The following HOXC13 variants were observed in gnomAD, a reference collection of about 807,000 sequenced individuals.
The protein encoded by HOXC13 is homeobox C13.
A neutral mutation model predicts 25.9 loss-of-function variants in HOXC13; 10 were observed. That is an observed-to-expected ratio of 0.39 (90% CI 0.24 to 0.65). The LOEUF (loss-of-function observed/expected upper bound fraction) is 0.65. HOXC13 is among the 30% of genes least tolerant of loss of function. The pLI, the probability that HOXC13 is intolerant of heterozygous loss-of-function variation, is 0.50. For missense variants in HOXC13, 439 were observed against 478.3 expected (o/e 0.92, Z 0.77); for synonymous variants, 233 against 217.1 (o/e 1.07, Z -0.64).
chr12:53,942,463 G>C (rs1444812990), intron 1 of HOXC13, among the ~76,000 whole-genome samples: 2 of 151,964 alleles, frequency 1.3e-5, no homozygotes, highest in East Asian at 3.9e-4. Context: ...GAGGGGCCCC[G>C]AAGCCCAAAA....
At position 53,946,410 on chromosome 12, in the gene HOXC13, C is replaced by A; in HGVS notation, c.*1154C>A. The A allele has an allele frequency of 4.6e-6, 1 of 219,182 alleles. No individual in the cohort carries two copies. Among genetic ancestry groups the A allele is most frequent in the Non-Finnish European group, 9.2e-6 (1 of 109,040 alleles). The allele number at this position is 219,182 out of a possible 1,614,324, so 13.6% of individuals were successfully genotyped here. On this transcript the variant is annotated 3_prime_UTR_variant, in exon 2 of 2. Transcript: ENST00000243056. ...AACAGTGTTCTTTTGAAATGTTCAT[C>A]AGGAATAGGCTTTTTTAAAAAATGT...
chr12:53,942,484 G>A lies in HOXC13; in HGVS notation c.737-2516G>A, dbSNP rs1258178243. ...CCCCGAAGCCCAAAAAGAAAGCCAT[G>A]GCTGAGCATTGAGATGATTTTTATT... On this transcript the variant is annotated intron_variant, in intron 1 of 1. Coordinates refer to ENST00000243056, the MANE Select transcript of HOXC13 (RefSeq NM_017410.3). 7.9e-5 allele frequency among the ~76,000 whole-genome samples: 12 copies of A among 152,248 alleles called. 1 individual carries two copies. The South Asian group carries it at 1.7e-3, about 21-fold the overall frequency.
chr12:53,943,287 T>C (rs1011157477), intron 1 of HOXC13, among the ~76,000 whole-genome samples: 1 of 152,214 alleles, frequency 6.6e-6, no homozygotes, highest in African/African-American at 2.4e-5. Context: ...AACAAACTCA[T>C]GGTATCACTA....
At position 53,939,727 on chromosome 12, in the gene HOXC13, G is replaced by A. The variant is rs1057068417; in HGVS notation, c.736+85G>A. 4 of 1,254,972 alleles carry A rather than the reference G, an allele frequency of 3.2e-6. No individual in the cohort carries two copies. The highest frequency in any genetic ancestry group is 3.1e-5 in the African/African-American group (2 of 64,110). 77.7% of individuals were successfully genotyped at this position (1,254,972 alleles called of 1,614,324 possible). ...GGGGCTCCGCGCCCCAACCACCCCC[G>A]CCGTCTGGCCCCGGCGCGCCCGCTC... On this transcript the variant is annotated intron_variant, in intron 1 of 1. Transcript: ENST00000243056. The surrounding 1 kb of genome is among the most constrained non-coding windows in gnomAD (Gnocchi z 6.7).
chr12:53,939,655 C>A lies in HOXC13; in HGVS notation c.736+13C>A. ...TCTCCCTTCCCAGGTAAGGAAGGGA[C>A]CCGAGCGCCGCCGCCGCCGGGGACC... On this transcript the variant is annotated intron_variant, in intron 1 of 1. Coordinates refer to ENST00000243056, the MANE Select transcript of HOXC13 (RefSeq NM_017410.3). This position sits in a 1 kb window ranked among gnomAD's most constrained non-coding sequence, Gnocchi z 6.7. 7.2e-7 allele frequency: 1 copy of A among 1,395,202 alleles called. No individual in the cohort carries two copies. The highest frequency in any genetic ancestry group is 9.3e-7 in the Non-Finnish European group (1 of 1,071,492). The allele number at this position is 1,395,202 out of a possible 1,614,324, so 86.4% of individuals were successfully genotyped here. A position where few individuals can be genotyped will look rare whatever the true frequency, so the allele number is the denominator to read the frequency against.
rs141378517 is a variant in HOXC13, at chr12:53,943,725, G to T, written c.737-1275G>T. Among the ~76,000 whole-genome samples, 1,521 of 152,310 alleles carry T rather than the reference G, an allele frequency of 1.0e-2. 25 individuals carry two copies. The highest frequency in any genetic ancestry group is 0.034 in the African/African-American group (1,431 of 41,556). On this transcript the variant is annotated intron_variant, in intron 1 of 1. Coordinates refer to ENST00000243056, the MANE Select transcript of HOXC13 (RefSeq NM_017410.3). Reference sequence around the variant, plus strand: ...ACAGGGAAAGTGTTCTGTGAGGGTGGGATGGGAACAAACATTTCAGAAAGA... The same window carrying T: ...ACAGGGAAAGTGTTCTGTGAGGGTGTGATGGGAACAAACATTTCAGAAAGA...
rs1326908982 is a variant in HOXC13 at position 53,944,301 on chromosome 12, C to CA, written c.737-697dup. 7.2e-5 allele frequency among the ~76,000 whole-genome samples: 11 copies of CA among 152,212 alleles called. No individual in the cohort carries two copies. In the East Asian group the frequency reaches 2.1e-3, roughly 29 times the overall value. On this transcript the variant is annotated intron_variant, in intron 1 of 1. Coordinates refer to ENST00000243056, the MANE Select transcript of HOXC13 (RefSeq NM_017410.3). ...CCCCAATTCCTAGAGTGTGGACCTC[C>CA]AAGCAGGCTGGCTTCACCTGGACAC...
In HOXC13 at chr12:53,939,131, C is replaced by G; in HGVS notation, c.225C>G (p.His75Gln). ...GCCACTGCCGCGACCTGCTTCCGCACCCCGTGCTGGGCCGCCCGCCGGCTC... is the reference window on the plus strand; with the variant it reads ...GCCACTGCCGCGACCTGCTTCCGCAGCCCGTGCTGGGCCGCCCGCCGGCTC... ...PASHCRDLLP[H>Q]PVLGRPPAPL... Residue 75 changes from histidine to glutamine, a missense_variant, in exon 1 of 2, where the codon CAC becomes CAG. Physicochemically the swap from His to Gln is conservative, Grantham distance 24. Transcript: ENST00000243056. This position sits in a 1 kb window ranked among gnomAD's most constrained non-coding sequence, Gnocchi z 6.7. 1 of 1,468,052 alleles carries G rather than the reference C, an allele frequency of 6.8e-7. No homozygotes were observed. The highest frequency in any genetic ancestry group is 8.9e-7 in the Non-Finnish European group (1 of 1,120,910). The allele number at this position is 1,468,052 out of a possible 1,614,324, so 90.9% of individuals were successfully genotyped here. A position where few individuals can be genotyped will look rare whatever the true frequency, so the allele number is the denominator to read the frequency against.
chr12:53,944,811 G>A (rs1938664932), intron 1 of HOXC13, among the ~76,000 whole-genome samples, 189 bp from the exon 2 acceptor site: 1 of 152,172 alleles, frequency 6.6e-6, no homozygotes, highest in South Asian at 2.1e-4. Context: ...TTCGAGCCCA[G>A]TGGCCTCATC....
At chr12:53,943,445 A>C (rs1938643466) in intron 1 of HOXC13, among the ~76,000 whole-genome samples, 1 of 152,246 alleles carries the variant, frequency 6.6e-6, no homozygotes. Flanking sequence ...TAAAGGATCC[A>C]TACTGTTTAA....
intron 1 of HOXC13, among the ~76,000 whole-genome samples, chr12:53,944,699 A>G (rs1938663099): frequency 6.6e-6 from 1 of 151,998 alleles, no homozygotes; most frequent in Non-Finnish European, 1.5e-5. Context: ...TTTAATTGAT[A>G]TTTTGTTCAT....
In HOXC13 at chr12:53,939,127, C is replaced by T. The variant is rs1324778451; in HGVS notation, c.221C>T (p.Pro74Leu). 6 of 1,465,648 alleles carry T rather than the reference C, an allele frequency of 4.1e-6. No homozygotes were observed. In the African/African-American group the frequency reaches 4.5e-5, roughly 11 times the overall value. 90.8% of individuals were successfully genotyped at this position (1,465,648 alleles called of 1,614,324 possible). A position where few individuals can be genotyped will look rare whatever the true frequency, so the allele number is the denominator to read the frequency against. The change falls in exon 1 of 2, where the codon CCG becomes CTG. Residue 74 changes from proline to leucine, a missense_variant. By Grantham distance (98) the Pro-to-Leu change is moderately conservative. Coordinates refer to ENST00000243056, the MANE Select transcript of HOXC13 (RefSeq NM_017410.3). This position sits in a 1 kb window ranked among gnomAD's most constrained non-coding sequence, Gnocchi z 6.7. ...CPASHCRDLL[P>L]HPVLGRPPAP... ...GCCAGCCACTGCCGCGACCTGCTTC[C>T]GCACCCCGTGCTGGGCCGCCCGCCG... is the stretch of plus-strand genomic sequence containing the variant.
intron 1 of HOXC13, among the ~76,000 whole-genome samples, chr12:53,944,683 T>A (rs1178058748): frequency 6.6e-6 from 1 of 152,172 alleles, no homozygotes; most frequent in Non-Finnish European, 1.5e-5. Flanking sequence ...AACCCATGTT[T>A]ATTTTTTTAA....
At position 53,945,323 on chromosome 12, in the gene HOXC13, A is replaced by G; in HGVS notation, c.*67A>G. 6.4e-7 allele frequency: 1 copy of G among 1,566,062 alleles called. No homozygotes were observed. The highest frequency in any genetic ancestry group is 1.7e-4 in the Middle Eastern group (1 of 5,888). On this transcript the variant is annotated 3_prime_UTR_variant, in exon 2 of 2. Transcript: ENST00000243056. The surrounding 1 kb of genome is among the most constrained non-coding windows in gnomAD (Gnocchi z 4.4). The stretch of plus-strand genomic sequence containing the variant: ...TTGTACCATAACCGAACCCACGGAA[A>G]GACGCTGCGCGGGTGCAGAAGAGTA...
At chr12:53,943,958 G>A (rs1938649799) in intron 1 of HOXC13, among the ~76,000 whole-genome samples, 2 of 152,220 alleles carry the variant, frequency 1.3e-5, no homozygotes, top group African/African-American at 4.8e-5. Context: ...TGACAGGGAT[G>A]AGGGTGGAGT....
chr12:53,939,463 C>T lies in HOXC13; in HGVS notation c.557C>T (p.Pro186Leu), dbSNP rs1287077957. ...PSFASSYQAM[P>L]GYLDVSVVPG... ...TTCGCCAGCTCCTACCAGGCGATGC[C>T]CGGCTACCTGGACGTGTCGGTGGTG... Residue 186 changes from proline (P) to leucine (L), a missense_variant, in exon 1 of 2, where the codon CCC becomes CTC. Physicochemically the swap from Pro to Leu is moderately conservative, Grantham distance 98. Transcript: ENST00000243056. The surrounding 1 kb of genome is among the most constrained non-coding windows in gnomAD (Gnocchi z 6.7). 2.5e-6 allele frequency: 4 copies of T among 1,608,788 alleles called. No individual in the cohort carries two copies. Among genetic ancestry groups the T allele is most frequent in the Non-Finnish European group, 3.4e-6 (4 of 1,179,402 alleles).
intron 1 of HOXC13, among the ~76,000 whole-genome samples, chr12:53,944,162 G>C (rs1427106919): frequency 6.6e-6 from 1 of 152,144 alleles, no homozygotes; most frequent in Non-Finnish European, 1.5e-5. Context: ...AACAGAATTT[G>C]TTCTGTTTTG....
rs903761541 is a variant in HOXC13, at chr12:53,939,608, G to T, written c.702G>T (p.Ser234=). Residue 234 remains serine (S), a synonymous_variant, in exon 1 of 2, where the codon TCG becomes TCT. Transcript: ENST00000243056. The surrounding 1 kb of genome is among the most constrained non-coding windows in gnomAD (Gnocchi z 6.7). The part of the protein sequence containing the change: ...DSQVYCSKEQ[S]QSAHLWKSPF... ...AGGTGTACTGCTCCAAGGAGCAGTC[G>T]CAGTCCGCCCACCTCTGGAAGTCTC... The T allele has an allele frequency of 1.3e-6, 2 of 1,500,644 alleles. No individual in the cohort carries two copies. The highest frequency in any genetic ancestry group is 2.0e-5 in the Admixed American group (1 of 51,224). The allele number at this position is 1,500,644 out of a possible 1,614,324, so 93.0% of individuals were successfully genotyped here. A position where few individuals can be genotyped will look rare whatever the true frequency, so the allele number is the denominator to read the frequency against.
rs758333454 is a variant in HOXC13, at chr12:53,939,613, C to T, written c.707C>T (p.Ser236Phe). 5.2e-6 allele frequency: 8 copies of T among 1,527,552 alleles called. No individual in the cohort carries two copies. The South Asian group carries it at 7.5e-5, about 14-fold the overall frequency. The allele number at this position is 1,527,552 out of a possible 1,614,324, so 94.6% of individuals were successfully genotyped here. A position where few individuals can be genotyped will look rare whatever the true frequency, so the allele number is the denominator to read the frequency against. The part of the protein sequence containing the change: ...QVYCSKEQSQ[S>F]AHLWKSPFPD... ...TACTGCTCCAAGGAGCAGTCGCAGTCCGCCCACCTCTGGAAGTCTCCCTTC... is the reference window on the plus strand; with the variant it reads ...TACTGCTCCAAGGAGCAGTCGCAGTTCGCCCACCTCTGGAAGTCTCCCTTC... The change falls in exon 1 of 2, where the codon TCC becomes TTC. Residue 236 changes from serine to phenylalanine, a missense_variant. By Grantham distance (155) the Ser-to-Phe change is radical (BLOSUM62 -2). Coordinates refer to ENST00000243056, the MANE Select transcript of HOXC13 (RefSeq NM_017410.3). This position sits in a 1 kb window ranked among gnomAD's most constrained non-coding sequence, Gnocchi z 6.7.
Sources: gnomAD v4.1 joint callset for allele counts (sites outside exome capture counted in the v4.1 genomes callset) on GRCh38, gnomAD v4.1.1 for gene constraint, Gnocchi (gnomAD v3.1) non-coding constraint, MANE v1.5 for transcripts, NCBI Gene and HGNC (gene_info 2026-07-23, HGNC 2026-07-21) for gene names.